PDE4D: variants seen among roughly 807,000 people sequenced by gnomAD.
The protein encoded by PDE4D is 3',5'-cyclic-AMP phosphodiesterase 4D.
Under a neutral mutation model 87.4 loss-of-function variants are expected in PDE4D, and 24 were observed. The ratio of observed to expected loss-of-function variants is 0.27; its 90% CI spans 0.20 to 0.39. PDE4D has a LOEUF of 0.39. Among genes scored for constraint, PDE4D ranks in the 10% least tolerant of loss-of-function variants. The probability of loss-of-function intolerance (pLI) is 1.00; values close to 1 mark genes in which losing one functional copy is unlikely to be tolerated. For missense variants in PDE4D, 714 were observed against 1,041.0 expected (o/e 0.69, Z 4.32); for synonymous variants, 384 against 383.2 (o/e 1.00, Z -0.02).
intron 3 of PDE4D, among the ~76,000 whole-genome samples, chr5:59,982,906 G>A (rs945245955): frequency 2.0e-5 from 3 of 152,224 alleles, no homozygotes; most frequent in Non-Finnish European, 4.4e-5. Flanking sequence ...CCCAGCATAG[G>A]AGTTGCAGTT....
At chr5:58,986,928 A>G (rs1746566191) in intron 11 of PDE4D, among the ~76,000 whole-genome samples, 1 of 150,170 alleles carries the variant, frequency 6.7e-6, no homozygotes, top group Non-Finnish European at 1.5e-5. Flanking sequence ...ATGCAAAGAA[A>G]ACATACCAGT....
At position 60,064,802 on chromosome 5, in the gene PDE4D, T is replaced by G. The variant is rs141183974; in HGVS notation, c.43-76085A>C. Among the ~76,000 whole-genome samples, 222 of 152,264 alleles carry G rather than the reference T, an allele frequency of 1.5e-3. 2 individuals are homozygous for G. The highest frequency in any genetic ancestry group is 2.9e-3 in the South Asian group (14 of 4,824). Reference sequence around the variant, plus strand: ...AAAACCCTTCAGTTATATTGGCATCTCTGCTCCCAGTATAAATGTCAGGCC... The same window carrying G: ...AAAACCCTTCAGTTATATTGGCATCGCTGCTCCCAGTATAAATGTCAGGCC... On this transcript the variant is annotated intron_variant, in intron 2 of 16. Coordinates refer to the PDE4D transcript ENST00000502484.
chr5:59,037,214 T>C (rs1498602), intron 6 of PDE4D, among the ~76,000 whole-genome samples: 45,302 of 152,042 alleles, frequency 0.3, 6,895 homozygotes, highest in Middle Eastern at 0.36. Flanking sequence ...TTAGGGAAAG[T>C]AACTAGCTGC....
At chr5:60,276,823 T>G (rs75504762) in intron 1 of PDE4D, among the ~76,000 whole-genome samples, 2 of 152,082 alleles carry the variant, frequency 1.3e-5, no homozygotes, top group Non-Finnish European at 2.9e-5. Context: ...ATTTTTTTTT[T>G]GCTCTGAGGT....
At chr5:60,453,728 T>C (rs1746261055) in intron 1 of PDE4D, among the ~76,000 whole-genome samples, 1 of 152,134 alleles carries the variant, frequency 6.6e-6, no homozygotes, top group African/African-American at 2.4e-5. Context: ...TTGACAAGTG[T>C]ACTTCTCCCG....
intron 1 of PDE4D, among the ~76,000 whole-genome samples, chr5:59,876,129 C>G (rs888772313): frequency 6.6e-6 from 1 of 152,158 alleles, no homozygotes; most frequent in African/African-American, 2.4e-5. Flanking sequence ...AGGACAACAA[C>G]AACATATATA....
chr5:59,712,480 T>C (rs1754353518), intron 1 of PDE4D, among the ~76,000 whole-genome samples: 1 of 147,138 alleles, frequency 6.8e-6, no homozygotes, highest in Non-Finnish European at 1.5e-5. Flanking sequence ...AACCCCACCA[T>C]TGTTACCAGG....
rs147065608 is a variant in PDE4D at position 59,532,182 on chromosome 5, T to A, written c.456-316214A>T. On this transcript the variant is annotated intron_variant, in intron 1 of 14. Transcript: ENST00000340635. ...GATGGAATATCACTCTCACCCAGGC[T>A]AGAGTGCCGTGGCGTTATCTCAGCA... Among the ~76,000 whole-genome samples, 150 of 152,290 alleles carry A rather than the reference T, an allele frequency of 9.8e-4. 1 individual carries two copies. Among genetic ancestry groups the A allele is most frequent in the African/African-American group, 3.4e-3 (140 of 41,550 alleles).
chr5:59,962,312 A>G (rs1392386098), intron 3 of PDE4D, among the ~76,000 whole-genome samples: 2 of 152,158 alleles, frequency 1.3e-5, no homozygotes, highest in Admixed American at 6.6e-5. Flanking sequence ...GAGTTAATCA[A>G]ACTAACACAC....
At chr5:60,117,688 C>T (rs1778289577) in intron 2 of PDE4D, among the ~76,000 whole-genome samples, 1 of 152,024 alleles carries the variant, frequency 6.6e-6, no homozygotes, top group East Asian at 1.9e-4. Flanking sequence ...TGAATAGTTA[C>T]TATTCTTTCT....
intron 1 of PDE4D, among the ~76,000 whole-genome samples, chr5:60,339,136 A>C (rs543750869): frequency 6.6e-6 from 1 of 152,272 alleles, no homozygotes; most frequent in South Asian, 2.1e-4. Context: ...TCATGGATAG[A>C]AGATTCATTT....
rs548335725 is a variant in PDE4D at position 59,156,320 on chromosome 5, A to AAAT, written c.808+24274_808+24275insATT. Among the ~76,000 whole-genome samples, 90 of 81,768 alleles carry AAAT rather than the reference A, an allele frequency of 1.1e-3. 1 individual carries two copies. Among genetic ancestry groups the AAAT allele is most frequent in the Middle Eastern group, 6.4e-3 (1 of 156 alleles). 53.6% of individuals were successfully genotyped at this position (81,768 alleles called of 152,430 possible). On this transcript the variant is annotated intron_variant, in intron 5 of 14. Transcript: ENST00000340635. ...CTAGAGACTTGCCAGAAAAAAAAAA[A>AAAT]ATATATATATATGTGTGTGTGTGTG... is the stretch of plus-strand genomic sequence containing the variant.
chr5:59,062,698 A>G (rs1260720761), intron 5 of PDE4D, among the ~76,000 whole-genome samples: 4 of 122,736 alleles, frequency 3.3e-5, no homozygotes, highest in East Asian at 6.0e-4. Flanking sequence ...GAGTGAATGC[A>G]TGTGGTTTTT....
At chr5:59,162,867 ATT>A (rs1781335566) in intron 5 of PDE4D, among the ~76,000 whole-genome samples, 2 of 150,494 alleles carry the variant, frequency 1.3e-5, no homozygotes, top group African/African-American at 4.9e-5. Flanking sequence ...AAAAAAAAAA[ATT>A]GTAATTAAAT....
At chr5:59,830,742 C>T (rs936526543) in intron 1 of PDE4D, among the ~76,000 whole-genome samples, 3 of 152,006 alleles carry the variant, frequency 2.0e-5, no homozygotes, top group African/African-American at 7.2e-5. Context: ...AGGTAAAGTG[C>T]ACATTCTTAT....
At chr5:60,025,986 C>T (rs1303345693) in intron 2 of PDE4D, among the ~76,000 whole-genome samples, 7 of 152,032 alleles carry the variant, frequency 4.6e-5, no homozygotes, top group Non-Finnish European at 5.9e-5. Context: ...CAGATTTTTC[C>T]CTCAAAGTCA....
chr5:59,178,251 G>A (rs1362191222), intron 5 of PDE4D, among the ~76,000 whole-genome samples: 2 of 152,102 alleles, frequency 1.3e-5, no homozygotes. Flanking sequence ...TGCTATGCTT[G>A]GGCAAGAAAA....
At chr5:60,136,897 C>T (rs1353787463) in intron 2 of PDE4D, among the ~76,000 whole-genome samples, 1 of 152,022 alleles carries the variant, frequency 6.6e-6, no homozygotes, top group African/African-American at 2.4e-5. Flanking sequence ...CTGCATAGAT[C>T]ATCCCATTAC....
intron 1 of PDE4D, among the ~76,000 whole-genome samples, chr5:59,868,580 A>G (rs1215166142): frequency 1.3e-5 from 2 of 152,198 alleles, no homozygotes; most frequent in Non-Finnish European, 2.9e-5. Flanking sequence ...CTGAATTGCC[A>G]TTAGAGAAAA....
Sources: allele counts gnomAD v4.1 joint callset (sites outside exome capture counted in the v4.1 genomes callset), GRCh38; gene constraint gnomAD v4.1.1; transcripts MANE v1.5; gene names NCBI Gene and HGNC (gene_info 2026-07-23, HGNC 2026-07-21).